Variants in JPH1 observed in about 807,000 individuals in gnomAD.
JPH1 encodes the protein junctophilin 1.
Under a neutral mutation model 53.6 loss-of-function variants are expected in JPH1, and 12 were observed. The observed-to-expected ratio is 0.22, with a 90% CI of 0.14 to 0.36. JPH1 has a LOEUF of 0.36. Among genes scored for constraint, JPH1 ranks in the 10% least tolerant of loss-of-function variants. JPH1 has a pLI of 1.00. For missense variants in JPH1, 808 were observed against 905.5 expected, an observed-to-expected ratio of 0.89 and a Z score of 1.38; for synonymous variants, 375 against 363.8, an observed-to-expected ratio of 1.03 and a Z score of -0.35.
chr8:74,275,980 A>T (rs1274990628), intron 2 of JPH1, among the ~76,000 whole-genome samples: 1 of 152,212 alleles, frequency 6.6e-6, no homozygotes, highest in African/African-American at 2.4e-5. Context: ...TATGGTTCGA[A>T]TTTGATTATA....
chr8:74,277,977 CAG>C (rs568153004), intron 2 of JPH1, among the ~76,000 whole-genome samples: 190 of 152,190 alleles, frequency 1.2e-3, no homozygotes, highest in African/African-American at 4.3e-3. Flanking sequence ...AGGATTTTCC[CAG>C]AGTTTTAAGT....
At chr8:74,314,400 C>T (rs1808078776) in intron 2 of JPH1, among the ~76,000 whole-genome samples, 1 of 152,154 alleles carries the variant, frequency 6.6e-6, no homozygotes, top group Admixed American at 6.5e-5. Flanking sequence ...AGTGTACATA[C>T]CTCCGATGTA....
intron 4 of JPH1, among the ~76,000 whole-genome samples, chr8:74,240,039 T>C (rs1295982665): frequency 6.6e-6 from 1 of 152,178 alleles, no homozygotes; most frequent in Admixed American, 6.5e-5. Context: ...TGGCGCGATC[T>C]TGGCTCACCG....
chr8:74,247,007 T>C (rs1277977025), intron 3 of JPH1, among the ~76,000 whole-genome samples: 1 of 152,256 alleles, frequency 6.6e-6, no homozygotes. Context: ...TTCTTGGTGC[T>C]GTGTGTCTGG....
chr8:74,251,461 C>A (rs1450659554), intron 3 of JPH1, among the ~76,000 whole-genome samples: 2 of 152,128 alleles, frequency 1.3e-5, no homozygotes, highest in Non-Finnish European at 2.9e-5. Context: ...TGTGTCACTC[C>A]CACTAATGGC....
In JPH1 at chr8:74,320,663, G is replaced by A. The variant is rs1808288184; in HGVS notation, c.379+246C>T. Among the ~76,000 whole-genome samples, 1 of 152,168 alleles carries A rather than the reference G, an allele frequency of 6.6e-6. No individual in the cohort carries two copies. The highest frequency in any genetic ancestry group is 1.5e-5 in the Non-Finnish European group (1 of 68,022). Reference sequence around the variant, plus strand: ...CGCCGGCCAGGTACATTCACGCCTAGCTCCCCTGAGTGTGGATACACGGCC... The same window carrying A: ...CGCCGGCCAGGTACATTCACGCCTAACTCCCCTGAGTGTGGATACACGGCC... On this transcript the variant is annotated intron_variant, in intron 1 of 5. Coordinates refer to ENST00000342232, the MANE Select transcript of JPH1 (RefSeq NM_020647.4). The surrounding 1 kb of genome is among the most constrained non-coding windows in gnomAD (Gnocchi z 4.4).
chr8:74,299,466 C>T (rs973984301), intron 2 of JPH1, among the ~76,000 whole-genome samples: 18 of 152,126 alleles, frequency 1.2e-4, no homozygotes, highest in African/African-American at 4.3e-4. Context: ...AGGGGGTCAA[C>T]GATTCGAGCC....
At chr8:74,250,609 A>AT (rs1464853114) in intron 3 of JPH1, among the ~76,000 whole-genome samples, 1 of 152,136 alleles carries the variant, frequency 6.6e-6, no homozygotes, top group African/African-American at 2.4e-5. Flanking sequence ...ACATTATGAG[A>AT]TTTTTTTGGT....
chr8:74,253,638 A>C (rs1408771755), intron 3 of JPH1, among the ~76,000 whole-genome samples: 1 of 152,164 alleles, frequency 6.6e-6, no homozygotes, highest in Non-Finnish European at 1.5e-5. Flanking sequence ...CAATTGATAG[A>C]CCGCTAACAA....
At chr8:74,261,808 ACTAT>A (rs1239898476) in intron 2 of JPH1, among the ~76,000 whole-genome samples, 1 of 152,198 alleles carries the variant, frequency 6.6e-6, no homozygotes, top group Non-Finnish European at 1.5e-5. Context: ...GCTTTATAAT[ACTAT>A]CTATTAGCCC....
At chr8:74,270,363 C>A (rs1391339928) in intron 2 of JPH1, among the ~76,000 whole-genome samples, 1 of 152,144 alleles carries the variant, frequency 6.6e-6, no homozygotes, top group East Asian at 1.9e-4. Context: ...TCTTATTTTT[C>A]CTCATGGGAG....
At chr8:74,240,160 C>T (rs1366982061) in intron 4 of JPH1, among the ~76,000 whole-genome samples, 2 of 151,846 alleles carry the variant, frequency 1.3e-5, no homozygotes, top group African/African-American at 4.8e-5. Flanking sequence ...TTGGTAGAGA[C>T]GGGGTTTCAC....
At chr8:74,319,436 T>C (rs538116436) in intron 1 of JPH1, among the ~76,000 whole-genome samples, 4 of 152,352 alleles carry the variant, frequency 2.6e-5, no homozygotes, top group Admixed American at 6.5e-5. Flanking sequence ...CCAGGTACTT[T>C]ATGCCCATTC....
rs267601993 is a variant in JPH1, at chr8:74,315,541, C to T, written c.459G>A (p.Thr153=). The stretch of plus-strand genomic sequence containing the variant: ...AGGTACGCAGCGGTGAGCGGATCAC[C>T]GTGGCCATGCCGTAGGGCACGCTCT... ...VRQSVPYGMA[T]VIRSPLRTSL... Residue 153 remains threonine, a synonymous_variant, in exon 2 of 6, where the codon ACG becomes ACA. Transcript: ENST00000342232. This position sits in a 1 kb window ranked among gnomAD's most constrained non-coding sequence, Gnocchi z 6.3. The T allele has an allele frequency of 2.1e-5, 34 of 1,605,996 alleles. No homozygotes were observed. The highest frequency in any genetic ancestry group is 2.0e-4 in the Admixed American group (12 of 59,646).
At chr8:74,264,954 T>G (rs1398479296) in intron 2 of JPH1, among the ~76,000 whole-genome samples, 4 of 152,214 alleles carry the variant, frequency 2.6e-5, no homozygotes. Flanking sequence ...CGGGATCGAT[T>G]GTTTCTCTTT....
At position 74,320,674 on chromosome 8, in the gene JPH1, T is replaced by C. The variant is rs1281287675; in HGVS notation, c.379+235A>G. Reference sequence around the variant, plus strand: ...TACATTCACGCCTAGCTCCCCTGAGTGTGGATACACGGCCCGCTCCAAGAA... The same window carrying C: ...TACATTCACGCCTAGCTCCCCTGAGCGTGGATACACGGCCCGCTCCAAGAA... On this transcript the variant is annotated intron_variant, in intron 1 of 5. Coordinates refer to ENST00000342232, the MANE Select transcript of JPH1 (RefSeq NM_020647.4). The surrounding 1 kb of genome is among the most constrained non-coding windows in gnomAD (Gnocchi z 4.4). 6.6e-6 allele frequency among the ~76,000 whole-genome samples: 1 copy of C among 152,056 alleles called. No homozygotes were observed.
intron 3 of JPH1, among the ~76,000 whole-genome samples, chr8:74,252,768 A>T (rs533367177): frequency 0.014 from 2,138 of 152,202 alleles, 78 homozygotes; most frequent in African/African-American, 0.049. Flanking sequence ...AAAACAGACT[A>T]TAAACCAACA....
chr8:74,281,854 C>T (rs1257643864), intron 2 of JPH1, among the ~76,000 whole-genome samples: 1 of 152,186 alleles, frequency 6.6e-6, no homozygotes, highest in Admixed American at 6.5e-5. Flanking sequence ...CAGCCTCTTC[C>T]TTCCCAGGAG....
rs551475440 is a variant in JPH1 at position 74,295,382 on chromosome 8, C to A, written c.1139+19479G>T. On this transcript the variant is annotated intron_variant, in intron 2 of 5. Transcript: ENST00000342232. ...CATCACCTCATATATTATACGCTGG[C>A]TTTCTCAATTTCTCAGCCCAGAACA... 9.9e-5 allele frequency among the ~76,000 whole-genome samples: 15 copies of A among 152,208 alleles called. No homozygotes were observed. In the East Asian group the frequency reaches 2.7e-3, roughly 27 times the overall value.
Sources: gnomAD v4.1 joint callset for allele counts (sites outside exome capture counted in the v4.1 genomes callset) on GRCh38, gnomAD v4.1.1 for gene constraint, Gnocchi (gnomAD v3.1) non-coding constraint, MANE v1.5 for transcripts, NCBI Gene and HGNC (gene_info 2026-07-23, HGNC 2026-07-21) for gene names.